The following PPARGC1A variants were observed in gnomAD, a reference collection of about 807,000 sequenced individuals.
PPARGC1A encodes the protein PPARG coactivator 1 alpha, also known as peroxisome proliferator-activated receptor gamma coactivator 1-alpha.
Under a neutral mutation model 88.7 loss-of-function variants are expected in PPARGC1A, and 25 were observed. That is an observed-to-expected ratio of 0.28 (90% CI 0.21 to 0.39). The LOEUF is 0.39. Ranked by LOEUF, PPARGC1A falls within the 10% of genes least tolerant of loss-of-function variation. The pLI is 1.00. For missense variants in PPARGC1A, 880 were observed against 968.7 expected (o/e 0.91, Z 1.22); for synonymous variants, 363 against 355.6 (o/e 1.02, Z -0.24).
the PPARGC1A span, among the ~76,000 whole-genome samples, chr4:24,208,495 G>A: frequency 3.9e-5 from 6 of 151,964 alleles, no homozygotes; most frequent in South Asian, 2.1e-4. Flanking sequence ...GACCAAAACA[G>A]ACAGTGATCT....
chr4:24,146,642 T>C, the PPARGC1A span, among the ~76,000 whole-genome samples: 1 of 152,226 alleles, frequency 6.6e-6, no homozygotes, highest in Non-Finnish European at 1.5e-5. Flanking sequence ...ACAAGCTGCA[T>C]GCTGCCTATA....
At chr4:24,215,690 T>C in the PPARGC1A span, among the ~76,000 whole-genome samples, 1 of 152,178 alleles carries the variant, frequency 6.6e-6, no homozygotes, top group Non-Finnish European at 1.5e-5. Flanking sequence ...AATAATACCA[T>C]ATGAACATCC....
the PPARGC1A span, among the ~76,000 whole-genome samples, chr4:24,232,796 C>A: frequency 3.9e-5 from 6 of 152,176 alleles, no homozygotes; most frequent in African/African-American, 1.4e-4. Context: ...TGACTCAGGG[C>A]ATTGTCCTAG....
chr4:24,256,445 T>C, the PPARGC1A span, among the ~76,000 whole-genome samples: 2 of 152,174 alleles, frequency 1.3e-5, no homozygotes, highest in Admixed American at 6.5e-5. Context: ...CAATGACAGT[T>C]AGTAAACAGG....
chr4:24,076,290 C>A, the PPARGC1A span, among the ~76,000 whole-genome samples: 1 of 152,104 alleles, frequency 6.6e-6, no homozygotes, highest in Non-Finnish European at 1.5e-5. Flanking sequence ...GCAGCTTGCC[C>A]AAGGTCAGAC....
the PPARGC1A span, among the ~76,000 whole-genome samples, chr4:24,160,156 ATC>A: frequency 6.6e-6 from 1 of 152,176 alleles, no homozygotes; most frequent in South Asian, 2.1e-4. Flanking sequence ...TAGACCTCTA[ATC>A]TCTCAGTCAG....
At chr4:23,812,682 A>C in intron 10 of PPARGC1A, 65 bp downstream of exon 10, 1 of 1,593,272 alleles carries the variant, frequency 6.3e-7, no homozygotes, top group Non-Finnish European at 8.5e-7. Context: ...ATCTATCACC[A>C]AAAAAAGCAC....
At chr4:23,865,531 G>A (rs1270766193) in intron 2 of PPARGC1A, among the ~76,000 whole-genome samples, 1 of 152,134 alleles carries the variant, frequency 6.6e-6, no homozygotes, top group East Asian at 1.9e-4. Flanking sequence ...CATGGTGTCT[G>A]GGACACAGTA....
At chr4:24,465,323 T>C in the PPARGC1A span, among the ~76,000 whole-genome samples, 3 of 152,232 alleles carry the variant, frequency 2.0e-5, no homozygotes, top group African/African-American at 7.2e-5. Context: ...TCTCCTTTCT[T>C]CTTTTTTTAA....
At chr4:24,395,496 C>G in the PPARGC1A span, among the ~76,000 whole-genome samples, 1 of 152,172 alleles carries the variant, frequency 6.6e-6, no homozygotes, top group African/African-American at 2.4e-5. Flanking sequence ...ACCCCAGATT[C>G]AAGCTCCATG....
chr4:24,353,370 C>G, the PPARGC1A span, among the ~76,000 whole-genome samples: 1 of 144,670 alleles, frequency 6.9e-6, no homozygotes, highest in Non-Finnish European at 1.5e-5. Flanking sequence ...GGGTCCCCCG[C>G]CCTCCCTCTG....
At chr4:24,433,615 G>A in the PPARGC1A span, among the ~76,000 whole-genome samples, 28 of 152,184 alleles carry the variant, frequency 1.8e-4, 1 homozygote, top group South Asian at 2.9e-3. Flanking sequence ...TTTAGATAAC[G>A]ACTTTCCTCT....
chr4:24,159,206 CTTTT>C, the PPARGC1A span, among the ~76,000 whole-genome samples: 1 of 109,852 alleles, frequency 9.1e-6, no homozygotes, highest in African/African-American at 3.9e-5. Context: ...GGAAATTAAC[CTTTT>C]TTTTTTTTTT....
the PPARGC1A span, among the ~76,000 whole-genome samples, chr4:24,209,082 C>A: frequency 1.4e-3 from 217 of 152,170 alleles, no homozygotes; most frequent in African/African-American, 5.1e-3. Context: ...AAGTCATCGG[C>A]AGTGAAGAAT....
the PPARGC1A span, among the ~76,000 whole-genome samples, chr4:23,939,295 AAT>A: frequency 6.6e-6 from 1 of 152,156 alleles, no homozygotes; most frequent in Non-Finnish European, 1.5e-5. Context: ...GCTGTTTTAA[AAT>A]ATGTTTGTTT....
At chr4:24,237,566 G>A in the PPARGC1A span, among the ~76,000 whole-genome samples, 10 of 152,234 alleles carry the variant, frequency 6.6e-5, no homozygotes, top group South Asian at 1.0e-3. Context: ...TTCGATACCC[G>A]TAATGGCCAA....
At chr4:24,438,335 C>T in the PPARGC1A span, among the ~76,000 whole-genome samples, 2 of 152,042 alleles carry the variant, frequency 1.3e-5, no homozygotes, top group African/African-American at 4.8e-5. Context: ...CTCTCCAGAG[C>T]AGGGATTTTC....
At chr4:24,039,761 T>C in the PPARGC1A span, among the ~76,000 whole-genome samples, 1 of 152,064 alleles carries the variant, frequency 6.6e-6, no homozygotes, top group Non-Finnish European at 1.5e-5. Context: ...ACTCCTAGAG[T>C]TGCTTATAGA....
At chr4:24,113,502 T>G in the PPARGC1A span, among the ~76,000 whole-genome samples, 1 of 152,148 alleles carries the variant, frequency 6.6e-6, no homozygotes, top group Non-Finnish European at 1.5e-5. Context: ...TCTCTGTGCA[T>G]AGAGAACCCT....
Sources: gnomAD v4.1 joint callset for allele counts (sites outside exome capture counted in the v4.1 genomes callset) on GRCh38, gnomAD v4.1.1 for gene constraint, MANE v1.5 for transcripts, NCBI Gene and HGNC (gene_info 2026-07-23, HGNC 2026-07-21) for gene names.